Variants in EXOC6B observed in about 807,000 individuals in gnomAD.
EXOC6B encodes SEC15 homolog B.
EXOC6B carries 54 observed loss-of-function variants against 113.5 expected under a neutral mutation model. The observed-to-expected ratio is 0.48, with a 90% CI of 0.38 to 0.60. The LOEUF is 0.60. Ranked by LOEUF, EXOC6B falls within the 20% of genes least tolerant of loss-of-function variation. The pLI is 0.00. For missense variants in EXOC6B, 797 were observed against 977.5 expected (o/e 0.82, Z 2.46); for synonymous variants, 357 against 339.0 (o/e 1.05, Z -0.58).
At chr2:72,317,559 TCA>T (rs72124979) in intron 20 of EXOC6B, among the ~76,000 whole-genome samples, 26,827 of 140,120 alleles carry the variant, frequency 0.19, 3,838 homozygotes, top group African/African-American at 0.42. Flanking sequence ...TATGAACACA[TCA>T]CACACACACA....
At chr2:72,281,803 A>G (rs2104672907) in intron 20 of EXOC6B, among the ~76,000 whole-genome samples, 1 of 152,330 alleles carries the variant, frequency 6.6e-6, no homozygotes, top group Admixed American at 6.5e-5. Flanking sequence ...ACATTAGAGT[A>G]AAACTGCCAA....
chr2:72,590,595 C>T (rs764304637), intron 6 of EXOC6B, among the ~76,000 whole-genome samples: 2 of 151,938 alleles, frequency 1.3e-5, no homozygotes, highest in African/African-American at 4.8e-5. Flanking sequence ...CTTCACTTTA[C>T]GTACAACTGC....
chr2:72,416,624 T>A (rs1198760126), intron 18 of EXOC6B, among the ~76,000 whole-genome samples: 1 of 152,192 alleles, frequency 6.6e-6, no homozygotes, highest in Admixed American at 6.5e-5. Context: ...CTGGTTCTTC[T>A]CTTTGGGAAA....
At chr2:72,660,602 G>T (rs902325210) in intron 6 of EXOC6B, among the ~76,000 whole-genome samples, 1 of 152,188 alleles carries the variant, frequency 6.6e-6, no homozygotes, top group Non-Finnish European at 1.5e-5. Context: ...CTACACACAA[G>T]AGAGTGTGAT....
chr2:72,279,019 C>A (rs1684964071), intron 20 of EXOC6B, among the ~76,000 whole-genome samples: 1 of 152,118 alleles, frequency 6.6e-6, no homozygotes. Flanking sequence ...TTAAATTCAA[C>A]TAGATTCAGG....
intron 18 of EXOC6B, among the ~76,000 whole-genome samples, chr2:72,444,511 C>T (rs1403598670): frequency 1.3e-5 from 2 of 152,218 alleles, no homozygotes; most frequent in African/African-American, 4.8e-5. Flanking sequence ...TTCTGCACTG[C>T]CCTAGCAGAG....
intron 1 of EXOC6B, among the ~76,000 whole-genome samples, chr2:72,775,553 T>G (rs1042550044): frequency 2.6e-5 from 4 of 152,040 alleles, no homozygotes; most frequent in South Asian, 4.1e-4. Flanking sequence ...TATAACAATA[T>G]CATGGAGTAC....
chr2:72,729,062 A>G (rs540975830), intron 5 of EXOC6B, among the ~76,000 whole-genome samples: 11 of 152,320 alleles, frequency 7.2e-5, no homozygotes, highest in Non-Finnish European at 1.6e-4. Flanking sequence ...TACTCGATTC[A>G]TCTTTGTTGA....
At chr2:72,325,483 T>G (rs556572877) in intron 20 of EXOC6B, among the ~76,000 whole-genome samples, 1 of 152,050 alleles carries the variant, frequency 6.6e-6, no homozygotes, top group African/African-American at 2.4e-5. Context: ...CTTTCTTTCA[T>G]TCAAGCCTGG....
chr2:72,371,549 T>C (rs1340697148), intron 19 of EXOC6B, among the ~76,000 whole-genome samples: 1 of 152,182 alleles, frequency 6.6e-6, no homozygotes, highest in Non-Finnish European at 1.5e-5. Flanking sequence ...AGTCAATCAA[T>C]GTGATACAAC....
Position 72,492,491 on chromosome 2 carries a change from G to T in EXOC6B, c.1554-62C>A, listed in dbSNP as rs371742711. 23 of 918,142 alleles carry T rather than the reference G, an allele frequency of 2.5e-5. No individual in the cohort carries two copies. The African/African-American group carries it at 2.6e-4, about 10-fold the overall frequency. The allele number at this position is 918,142 out of a possible 1,614,324, so 56.9% of individuals were successfully genotyped here. A position where few individuals can be genotyped will look rare whatever the true frequency, so the allele number is the denominator to read the frequency against. ...AGCAGAATTATTTCGGCAAACAAAC[G>T]GTGCCAGTGGTATTCGTGGTAATAA... is the stretch of plus-strand genomic sequence containing the variant. On this transcript the variant is annotated intron_variant, in intron 15 of 21. Coordinates refer to ENST00000272427, the MANE Select transcript of EXOC6B (RefSeq NM_015189.3).
chr2:72,375,760 A>G (rs557808192), intron 19 of EXOC6B, among the ~76,000 whole-genome samples: 16 of 152,354 alleles, frequency 1.1e-4, no homozygotes, highest in African/African-American at 3.6e-4. Flanking sequence ...AACTAACAAA[A>G]GAAGAGCAAA....
intron 20 of EXOC6B, among the ~76,000 whole-genome samples, chr2:72,277,172 C>T (rs1055709718): frequency 6.6e-6 from 1 of 152,150 alleles, no homozygotes; most frequent in Non-Finnish European, 1.5e-5. Flanking sequence ...GTTATTGTTG[C>T]TGAATCCAGT....
chr2:72,284,334 C>T (rs1685299737), intron 20 of EXOC6B, among the ~76,000 whole-genome samples: 1 of 151,998 alleles, frequency 6.6e-6, no homozygotes, highest in Non-Finnish European at 1.5e-5. Context: ...GAAAATAAAT[C>T]ATTGTAATCC....
chr2:72,724,108 G>A (rs1473990734), intron 5 of EXOC6B, among the ~76,000 whole-genome samples: 1 of 152,104 alleles, frequency 6.6e-6, no homozygotes, highest in African/African-American at 2.4e-5. Flanking sequence ...AAAAAGAACT[G>A]CAGAAATTTA....
chr2:72,534,527 G>A (rs1041667776), intron 8 of EXOC6B, among the ~76,000 whole-genome samples: 1 of 152,042 alleles, frequency 6.6e-6, no homozygotes. Context: ...GCTTGATTGA[G>A]GTAAGGGTTG....
intron 18 of EXOC6B, among the ~76,000 whole-genome samples, chr2:72,426,408 A>C (rs1398721630): frequency 6.6e-6 from 1 of 152,068 alleles, no homozygotes; most frequent in South Asian, 2.1e-4. Context: ...TTTTTTCAAA[A>C]TATTTTCCTT....
At chr2:72,226,705 G>T (rs1259298454) in intron 20 of EXOC6B, among the ~76,000 whole-genome samples, 1 of 152,144 alleles carries the variant, frequency 6.6e-6, no homozygotes, top group Non-Finnish European at 1.5e-5. Flanking sequence ...CTTTGACTAG[G>T]TCATAATGTC....
chr2:72,512,891 T>C (rs1321236361), intron 11 of EXOC6B, among the ~76,000 whole-genome samples: 1 of 152,026 alleles, frequency 6.6e-6, no homozygotes, highest in African/African-American at 2.4e-5. Context: ...GTCTGACACA[T>C]AGAGAGAATA....
Sources: gnomAD v4.1 joint callset for allele counts (sites outside exome capture counted in the v4.1 genomes callset) on GRCh38, gnomAD v4.1.1 for gene constraint, MANE v1.5 for transcripts, NCBI Gene and HGNC (gene_info 2026-07-23, HGNC 2026-07-21) for gene names.